FOCAD: variants seen among roughly 807,000 people sequenced by gnomAD.
FOCAD encodes the protein focadhesin, also known as KIAA1797.
Under a neutral mutation model 225.6 loss-of-function variants are expected in FOCAD, and 198 were observed. The ratio of observed to expected loss-of-function variants is 0.88; its 90% CI spans 0.78 to 0.99. The LOEUF (loss-of-function observed/expected upper bound fraction) is 0.99, where lower values mean the gene tolerates loss of function less well. Ranked by LOEUF, FOCAD falls within the 50% of genes least tolerant of loss-of-function variation. FOCAD has a pLI of 0.00. For missense variants in FOCAD, 2,713 were observed against 2,123.6 expected, an observed-to-expected ratio of 1.28 and a Z score of -5.46; for synonymous variants, 897 against 755.0, an observed-to-expected ratio of 1.19 and a Z score of -3.08.
chr9:20,954,285 G>T (rs9298812), intron 35 of FOCAD, among the ~76,000 whole-genome samples: 1 of 152,154 alleles, frequency 6.6e-6, no homozygotes, highest in Non-Finnish European at 1.5e-5. Context: ...AGTAGAGATG[G>T]CTTCATTAGG....
chr9:20,730,962 G>A (rs569979112), intron 4 of FOCAD, among the ~76,000 whole-genome samples: 5 of 152,232 alleles, frequency 3.3e-5, no homozygotes, highest in South Asian at 2.1e-4. Flanking sequence ...CTGGCTGAGC[G>A]CAGTGGCTCA....
At chr9:20,722,867 A>C (rs1360984085) in intron 4 of FOCAD, among the ~76,000 whole-genome samples, 5 of 152,146 alleles carry the variant, frequency 3.3e-5, no homozygotes, top group Admixed American at 1.3e-4. Flanking sequence ...CATATTTTCA[A>C]ATGCCTTAAA....
At chr9:20,678,322 G>A (rs1201293804) in intron 2 of FOCAD, among the ~76,000 whole-genome samples, 2 of 152,166 alleles carry the variant, frequency 1.3e-5, no homozygotes, top group Non-Finnish European at 1.5e-5. Context: ...TGCCCAAGCT[G>A]ACCTTGAGCA....
At chr9:20,948,517 T>C in intron 31 of FOCAD, 124 bp downstream of exon 31, 1 of 1,045,596 alleles carries the variant, frequency 9.6e-7, no homozygotes, top group Non-Finnish European at 1.3e-6. Flanking sequence ...CAATTTTAAA[T>C]GAAAGAGATC....
chr9:20,690,658 T>C (rs1037673456), intron 1 of FOCAD, among the ~76,000 whole-genome samples: 2 of 152,076 alleles, frequency 1.3e-5, no homozygotes, highest in Non-Finnish European at 2.9e-5. Context: ...AAGTGGTACT[T>C]CTGCCTTGCC....
chr9:20,855,828 G>T (rs1587411328), intron 15 of FOCAD, among the ~76,000 whole-genome samples: 1 of 140,024 alleles, frequency 7.1e-6, no homozygotes, highest in Non-Finnish European at 1.5e-5. Flanking sequence ...TTCCACATAT[G>T]AGAACATGAA....
At position 20,815,123 on chromosome 9, in the gene FOCAD, G is replaced by GGTTTTTTTTTTTTTTTT. The variant is rs796702774; in HGVS notation, c.1456-4673_1456-4672insGTTTTTTTTTTTTTTTT. Reference sequence around the variant, plus strand: ...TCTGGAAATATCATTACTTCTCTTTGTTTTTTTTTTTTTGTTTTTTTTTTT... The same window carrying GGTTTTTTTTTTTTTTTT: ...TCTGGAAATATCATTACTTCTCTTTGGTTTTTTTTTTTTTTTTTTTTTTTTTTTTTGTTTTTTTTTTT... On this transcript the variant is annotated intron_variant, in intron 11 of 43. Transcript: ENST00000338382. Among the ~76,000 whole-genome samples the GGTTTTTTTTTTTTTTTT allele has an allele frequency of 4.4e-3, 372 of 85,334 alleles. 75 individuals are homozygous for GGTTTTTTTTTTTTTTTT. Among genetic ancestry groups the GGTTTTTTTTTTTTTTTT allele is most frequent in the Non-Finnish European group, 5.3e-3 (234 of 44,528 alleles). The allele number at this position is 85,334 out of a possible 152,430, so 56.0% of individuals were successfully genotyped here. A position where few individuals can be genotyped will look rare whatever the true frequency, so the allele number is the denominator to read the frequency against.
chr9:20,748,239 C>A (rs1024248904), intron 5 of FOCAD, among the ~76,000 whole-genome samples: 1 of 152,014 alleles, frequency 6.6e-6, no homozygotes, highest in East Asian at 1.9e-4. Flanking sequence ...GAAGTTATAA[C>A]AACTTACACT....
At chr9:20,846,149 C>A (rs1158457584) in intron 15 of FOCAD, among the ~76,000 whole-genome samples, 1 of 152,040 alleles carries the variant, frequency 6.6e-6, no homozygotes, top group Non-Finnish European at 1.5e-5. Flanking sequence ...GAGAGCACTT[C>A]CTCAGCCTCG....
chr9:20,938,230 G>C (rs577011288), intron 28 of FOCAD, among the ~76,000 whole-genome samples: 6 of 152,026 alleles, frequency 3.9e-5, no homozygotes, highest in Admixed American at 2.0e-4. Context: ...CCATTACTGG[G>C]TATATACCCA....
intron 19 of FOCAD, among the ~76,000 whole-genome samples, chr9:20,875,983 C>A (rs1291780446): frequency 6.6e-6 from 1 of 152,188 alleles, no homozygotes; most frequent in Non-Finnish European, 1.5e-5. Flanking sequence ...TCAGTCATAA[C>A]CATACTAGCC....
intron 11 of FOCAD, among the ~76,000 whole-genome samples, chr9:20,800,681 C>G (rs906267271): frequency 6.6e-6 from 1 of 152,058 alleles, no homozygotes; most frequent in Admixed American, 6.5e-5. Flanking sequence ...GTTCTCGTGC[C>G]GTGGTTTTCA....
chr9:20,722,447 C>T (rs1825864391), intron 4 of FOCAD, among the ~76,000 whole-genome samples: 1 of 152,194 alleles, frequency 6.6e-6, no homozygotes, highest in Non-Finnish European at 1.5e-5. Context: ...GTCCTCTTTC[C>T]TGTCCAGACA....
chr9:20,823,265 C>A, intron 15 of FOCAD, 150 bp downstream of exon 15: 1 of 842,876 alleles, frequency 1.2e-6, no homozygotes, highest in Non-Finnish European at 1.7e-6. Flanking sequence ...GCAAGACCTA[C>A]TTTACAAATT....
chr9:20,883,096 C>T (rs930742410), intron 20 of FOCAD, among the ~76,000 whole-genome samples: 1 of 152,136 alleles, frequency 6.6e-6, no homozygotes, highest in Non-Finnish European at 1.5e-5. Context: ...GACAATAACA[C>T]CATTTAGTAC....
At position 20,758,113 on chromosome 9, in the gene FOCAD, C is replaced by G. The variant is rs535879264; in HGVS notation, c.416C>G (p.Thr139Ser). ...TIRNHPHPLI[T>S]VLEHRPDCWP... Reference sequence around the variant, plus strand: ...AGAAATCATCCTCATCCTTTGATAACTGTGCTTGAACACAGACCTGATTGC... The same window carrying G: ...AGAAATCATCCTCATCCTTTGATAAGTGTGCTTGAACACAGACCTGATTGC... The change falls in exon 6 of 44, where the codon ACT becomes AGT. Residue 139 changes from threonine (T) to serine (S), a missense_variant. Physicochemically the swap from Thr to Ser is moderately conservative, Grantham distance 58. Transcript: ENST00000338382. 6.2e-7 allele frequency: 1 copy of G among 1,609,808 alleles called. No individual in the cohort carries two copies. Among genetic ancestry groups the G allele is most frequent in the Middle Eastern group, 1.7e-4 (1 of 6,034 alleles).
intron 2 of FOCAD, among the ~76,000 whole-genome samples, chr9:20,677,355 G>A (rs1362046232): frequency 6.6e-6 from 1 of 152,104 alleles, no homozygotes; most frequent in Admixed American, 6.6e-5. Context: ...GGCAACGAAA[G>A]CAAAAATAGA....
chr9:20,819,719 AAAAG>A, intron 11 of FOCAD, 73 bp from the exon 12 acceptor site: 1 of 691,442 alleles, frequency 1.4e-6, no homozygotes. Context: ...CCTCTGGAAA[AAAAG>A]AGATAAATAT....
In FOCAD at chr9:20,866,970, C is replaced by A. The variant is rs1172827814; in HGVS notation, c.2148C>A (p.Asn716Lys). ...VANAAYRSLA[N>K]FSAGEHTILH... ...ATGCTGCATATAGATCCCTGGCCAACTTTAGTGCAGGAGAACACACCATTC... is the reference window on the plus strand; with the variant it reads ...ATGCTGCATATAGATCCCTGGCCAAATTTAGTGCAGGAGAACACACCATTC... The change falls in exon 18 of 44, where the codon AAC (asparagine) becomes AAA (lysine). Residue 716 changes from asparagine to lysine, a missense_variant. Coordinates refer to ENST00000338382, the MANE Select transcript of FOCAD (RefSeq NM_001375567.1). The A allele has an allele frequency of 1.4e-6, 2 of 1,397,610 alleles. No homozygotes were observed. Among genetic ancestry groups the A allele is most frequent in the Admixed American group, 3.9e-5 (2 of 50,904 alleles). The allele number at this position is 1,397,610 out of a possible 1,614,324, so 86.6% of individuals were successfully genotyped here.
Sources: gnomAD v4.1 joint callset for allele counts (sites outside exome capture counted in the v4.1 genomes callset) on GRCh38, gnomAD v4.1.1 for gene constraint, MANE v1.5 for transcripts, NCBI Gene and HGNC (gene_info 2026-07-23, HGNC 2026-07-21) for gene names.